The following AUH variants were observed in gnomAD, a reference collection of about 807,000 sequenced individuals.
AUH encodes the protein AU RNA binding methylglutaconyl-CoA hydratase, also known as methylglutaconyl-CoA hydratase, mitochondrial.
A neutral mutation model predicts 42.3 loss-of-function variants in AUH; 29 were observed. The observed-to-expected ratio is 0.69, with a 90% confidence interval of 0.51 to 0.93. AUH has a LOEUF of 0.93. Among genes scored for constraint, AUH ranks in the 40% least tolerant of loss-of-function variants. The pLI, the probability that AUH is intolerant of heterozygous loss-of-function variation, is 0.00. For missense variants in AUH, 452 were observed against 438.1 expected, an observed-to-expected ratio of 1.03 and a Z score of -0.28; for synonymous variants, 174 against 166.4, an observed-to-expected ratio of 1.05 and a Z score of -0.35.
At chr9:91,359,222 T>C (rs993091136) in intron 1 of AUH, among the ~76,000 whole-genome samples, 9 of 152,218 alleles carry the variant, frequency 5.9e-5, no homozygotes, top group African/African-American at 2.2e-4. Context: ...TACGTTCTGC[T>C]TATACAAAAT....
At chr9:91,337,884 C>T (rs529531710) in intron 3 of AUH, among the ~76,000 whole-genome samples, 3 of 152,296 alleles carry the variant, frequency 2.0e-5, no homozygotes, top group East Asian at 1.9e-4. Context: ...TAGGTAATGT[C>T]TGGAGAGGAT....
chr9:91,297,611 T>A (rs537430555), intron 5 of AUH, among the ~76,000 whole-genome samples: 1 of 151,898 alleles, frequency 6.6e-6, no homozygotes, highest in African/African-American at 2.4e-5. Flanking sequence ...TTTTTTTTTT[T>A]AAACAGGGTC....
intron 6 of AUH, among the ~76,000 whole-genome samples, chr9:91,284,339 A>G (rs1222162781): frequency 6.6e-6 from 1 of 152,240 alleles, no homozygotes; most frequent in Non-Finnish European, 1.5e-5. Flanking sequence ...CTTAAATGTT[A>G]GACCCAAAAC....
Position 91,296,073 on chromosome 9 carries a change from G to A in AUH, c.603C>T (p.Ser201=), listed in dbSNP as rs762280706. ...ALACDIRVAA[S]SAKMGLVETK... ...TTTCAACCAGGCCCATTTTTGCAGA[G>A]GAAGCTAAAACGAAAGAAAGAAAAT... The change falls in exon 6 of 10, where the codon TCC becomes TCT. Residue 201 remains serine (S), a synonymous_variant. Coordinates refer to ENST00000375731, the MANE Select transcript of AUH (RefSeq NM_001698.3). 1 of 1,613,740 alleles carries A rather than the reference G, an allele frequency of 6.2e-7. No individual in the cohort carries two copies. Among genetic ancestry groups the A allele is most frequent in the South Asian group, 1.1e-5 (1 of 91,060 alleles).
intron 6 of AUH, among the ~76,000 whole-genome samples, chr9:91,246,816 A>G (rs940803150): frequency 1.3e-5 from 2 of 152,264 alleles, no homozygotes; most frequent in Admixed American, 1.3e-4. Context: ...ACAAAATCCA[A>G]GAGTTAGGAA....
intron 6 of AUH, among the ~76,000 whole-genome samples, chr9:91,269,937 G>A (rs1824980319): frequency 6.6e-6 from 1 of 152,158 alleles, no homozygotes; most frequent in Non-Finnish European, 1.5e-5. Flanking sequence ...GAGAAACAAA[G>A]TGTTTACCTG....
chr9:91,327,747 GC>G (rs1265715681), intron 3 of AUH, among the ~76,000 whole-genome samples: 2 of 152,236 alleles, frequency 1.3e-5, no homozygotes, highest in Admixed American at 6.5e-5. Context: ...GCTCCCGCTA[GC>G]CAAGCTATGG....
At chr9:91,274,392 A>G (rs10991866) in intron 6 of AUH, among the ~76,000 whole-genome samples, 4,785 of 152,300 alleles carry the variant, frequency 0.031, 158 homozygotes, top group East Asian at 0.18. Flanking sequence ...GCACTAGCAA[A>G]GAGGTGAAAC....
intron 6 of AUH, among the ~76,000 whole-genome samples, chr9:91,268,467 GCT>G (rs1824833804): frequency 6.6e-6 from 1 of 151,714 alleles, no homozygotes; most frequent in African/African-American, 2.4e-5. Flanking sequence ...GTCTCACTCT[GCT>G]GCCCAGGCTG....
intron 3 of AUH, among the ~76,000 whole-genome samples, chr9:91,332,125 C>T (rs900313637): frequency 3.3e-5 from 5 of 152,154 alleles, no homozygotes; most frequent in South Asian, 4.1e-4. Context: ...TTAAACAAAA[C>T]TCATATGCCA....
At chr9:91,229,373 C>T (rs1484507927) in intron 6 of AUH, among the ~76,000 whole-genome samples, 2 of 145,704 alleles carry the variant, frequency 1.4e-5, no homozygotes. Context: ...ACTAGGATTG[C>T]AACCCCTGCC....
At chr9:91,228,868 G>A (rs1827689383) in intron 6 of AUH, among the ~76,000 whole-genome samples, 1 of 152,232 alleles carries the variant, frequency 6.6e-6, no homozygotes, top group South Asian at 2.1e-4. Context: ...GCAGTTTTGA[G>A]TGAGATTCTT....
At chr9:91,342,065 T>G (rs1488627056) in intron 3 of AUH, among the ~76,000 whole-genome samples, 1 of 152,212 alleles carries the variant, frequency 6.6e-6, no homozygotes, top group Admixed American at 6.5e-5. Context: ...GGTATCAGTT[T>G]CCTGGTGCTG....
intron 6 of AUH, among the ~76,000 whole-genome samples, chr9:91,221,538 G>C (rs1160994961): frequency 6.6e-6 from 1 of 152,116 alleles, no homozygotes; most frequent in Non-Finnish European, 1.5e-5. Context: ...TTTTCTCAGT[G>C]CAAGTCCTGG....
At chr9:91,284,462 T>A (rs892602123) in intron 6 of AUH, among the ~76,000 whole-genome samples, 1 of 151,708 alleles carries the variant, frequency 6.6e-6, no homozygotes, top group African/African-American at 2.4e-5. Context: ...AATAGACAAA[T>A]GGGATCTAAT....
Position 91,270,691 on chromosome 9 carries a change from C to T in AUH, c.655+25330G>A, listed in dbSNP as rs143722358. ...ACTGTGATCAAAATGAATAAAGAAT[C>T]AGTATTTGACCTACCCGGTGCCATA... On this transcript the variant is annotated intron_variant, in intron 6 of 9. Transcript: ENST00000375731. 3.9e-3 allele frequency among the ~76,000 whole-genome samples: 591 copies of T among 152,138 alleles called. 2 individuals carry two copies. The highest frequency in any genetic ancestry group is 0.01 in the Middle Eastern group (3 of 294).
intron 6 of AUH, among the ~76,000 whole-genome samples, chr9:91,256,694 G>A (rs1829421569): frequency 6.6e-6 from 1 of 152,052 alleles, no homozygotes; most frequent in African/African-American, 2.4e-5. Context: ...CAGACTTACT[G>A]CACAGCCCCT....
chr9:91,324,378 C>T (rs1012736722), intron 4 of AUH, among the ~76,000 whole-genome samples: 2 of 151,994 alleles, frequency 1.3e-5, no homozygotes, highest in African/African-American at 4.8e-5. Flanking sequence ...TGGTTCACAC[C>T]TGTAGTCCTA....
chr9:91,279,857 C>T (rs1825827583), intron 6 of AUH, among the ~76,000 whole-genome samples: 1 of 152,208 alleles, frequency 6.6e-6, no homozygotes, highest in South Asian at 2.1e-4. Flanking sequence ...GTAGACATGG[C>T]TAGTCATCAG....
Sources: gnomAD v4.1 joint callset for allele counts (sites outside exome capture counted in the v4.1 genomes callset) on GRCh38, gnomAD v4.1.1 for gene constraint, MANE v1.5 for transcripts, NCBI Gene and HGNC (gene_info 2026-07-23, HGNC 2026-07-21) for gene names.